Variants in PRR5L observed in about 807,000 individuals in gnomAD.
PRR5L encodes proline-rich protein 5-like.
Under a neutral mutation model 36.4 loss-of-function variants are expected in PRR5L, and 21 were observed. The observed-to-expected ratio is 0.58, with a 90% CI of 0.41 to 0.83. The LOEUF (loss-of-function observed/expected upper bound fraction) is 0.83. Ranked by LOEUF, PRR5L falls within the 40% of genes least tolerant of loss-of-function variation. PRR5L has a pLI of 0.00. For missense variants in PRR5L, 381 were observed against 473.3 expected (o/e 0.80, Z 1.81); for synonymous variants, 188 against 197.0 (o/e 0.95, Z 0.38).
At chr11:36,453,103 G>T (rs1187702156) in intron 8 of PRR5L, among the ~76,000 whole-genome samples, 2 of 152,232 alleles carry the variant, frequency 1.3e-5, no homozygotes, top group African/African-American at 4.8e-5. Flanking sequence ...GTTCATGTAG[G>T]TTTCTCTGTT....
rs756929377 is a variant in PRR5L at position 36,357,157 on chromosome 11, G to A, written c.-125-43840G>A. ...CAAACCAGCCACAACATTCCCTTACGCCAAGGCATAATTCAGAGCAAAGCC... is the reference window on the plus strand; with the variant it reads ...CAAACCAGCCACAACATTCCCTTACACCAAGGCATAATTCAGAGCAAAGCC... On this transcript the variant is annotated intron_variant, in intron 1 of 8. Coordinates refer to ENST00000530639, the MANE Select transcript of PRR5L (RefSeq NM_001160167.2). Among the ~76,000 whole-genome samples, 41 of 152,150 alleles carry A rather than the reference G, an allele frequency of 2.7e-4. 1 individual carries two copies. The highest frequency in any genetic ancestry group is 1.9e-4 in the African/African-American group (8 of 41,426).
At chr11:36,429,598 T>C (rs1858451501) in intron 4 of PRR5L, among the ~76,000 whole-genome samples, 1 of 152,088 alleles carries the variant, frequency 6.6e-6, no homozygotes, top group Admixed American at 6.6e-5. Context: ...TAGGTGCATC[T>C]CAGAAATGTG....
intron 1 of PRR5L, among the ~76,000 whole-genome samples, chr11:36,315,100 A>AAAGGAGT (rs1856542158): frequency 6.6e-6 from 1 of 152,226 alleles, no homozygotes; most frequent in Non-Finnish European, 1.5e-5. Context: ...TATAGGGCAC[A>AAAGGAGT]AAGGAGTGAA....
chr11:36,419,453 G>C (rs955786919), intron 4 of PRR5L, 150 bp downstream of exon 4: 110 of 715,182 alleles, frequency 1.5e-4, no homozygotes, highest in Non-Finnish European at 2.6e-4. Flanking sequence ...GTTGCAGAGG[G>C]GCACCACTCC....
intron 1 of PRR5L, among the ~76,000 whole-genome samples, chr11:36,331,055 C>T (rs1856713715): frequency 6.6e-6 from 1 of 152,220 alleles, no homozygotes; most frequent in African/African-American, 2.4e-5. Flanking sequence ...ATCCTCCTGC[C>T]TTGGCCTCCT....
At chr11:36,348,411 G>T (rs930961711) in intron 1 of PRR5L, among the ~76,000 whole-genome samples, 2 of 152,054 alleles carry the variant, frequency 1.3e-5, no homozygotes, top group Non-Finnish European at 1.5e-5. Context: ...CCTAAAGCCC[G>T]AGTTCCCTGC....
At chr11:36,356,605 G>T (rs563366432) in intron 1 of PRR5L, among the ~76,000 whole-genome samples, 2 of 152,156 alleles carry the variant, frequency 1.3e-5, no homozygotes, top group Admixed American at 1.3e-4. Context: ...GTCACATTTT[G>T]GTAATTCTCA....
intron 7 of PRR5L, among the ~76,000 whole-genome samples, chr11:36,447,767 G>C (rs11033622): frequency 0.26 from 38,889 of 152,012 alleles, 5,213 homozygotes; most frequent in South Asian, 0.32. Context: ...AATTAGAGAG[G>C]AGGAAGAGTT....
intron 1 of PRR5L, among the ~76,000 whole-genome samples, chr11:36,393,364 G>A (rs1458105275): frequency 1.3e-5 from 2 of 152,120 alleles, no homozygotes; most frequent in Non-Finnish European, 2.9e-5. Context: ...TTATATATAA[G>A]ATAGGGGTCT....
intron 1 of PRR5L, among the ~76,000 whole-genome samples, chr11:36,372,455 A>G (rs1400082478): frequency 1.3e-5 from 2 of 152,174 alleles, no homozygotes; most frequent in Admixed American, 1.3e-4. Flanking sequence ...CTTTATCTCA[A>G]TAGTGTTCAA....
At chr11:36,328,620 T>G (rs1190377417) in intron 1 of PRR5L, among the ~76,000 whole-genome samples, 1 of 152,176 alleles carries the variant, frequency 6.6e-6, no homozygotes, top group Non-Finnish European at 1.5e-5. Context: ...ATCTTTTTTC[T>G]TTAGAAATTA....
At chr11:36,332,172 A>G (rs1224852675) in intron 1 of PRR5L, among the ~76,000 whole-genome samples, 3 of 152,212 alleles carry the variant, frequency 2.0e-5, no homozygotes, top group African/African-American at 7.2e-5. Flanking sequence ...AATAACAATA[A>G]TAATTTAATT....
chr11:36,422,124 T>C (rs1858276945), intron 4 of PRR5L, among the ~76,000 whole-genome samples: 1 of 152,110 alleles, frequency 6.6e-6, no homozygotes, highest in Non-Finnish European at 1.5e-5. Flanking sequence ...ATGCAGGTGG[T>C]TCAACAGAGA....
At position 36,401,072 on chromosome 11, in the gene PRR5L, A is replaced by T. The variant is rs775915624; in HGVS notation, c.-50A>T. 1 of 1,595,420 alleles carries T rather than the reference A, an allele frequency of 6.3e-7. No homozygotes were observed. Among genetic ancestry groups the T allele is most frequent in the Admixed American group, 1.7e-5 (1 of 58,330 alleles). On this transcript the variant is annotated 5_prime_UTR_variant, in exon 2 of 9. Transcript: ENST00000530639. ...CCCTGGAGAAGCCCTTTCCGAGGGC[A>T]TTCGGAACCTTCTGGTCCTAGAGGT...
At chr11:36,381,968 C>T (rs1857376696) in intron 1 of PRR5L, among the ~76,000 whole-genome samples, 1 of 152,094 alleles carries the variant, frequency 6.6e-6, no homozygotes, top group Non-Finnish European at 1.5e-5. Flanking sequence ...ACCATCCTGA[C>T]CAGCATGGTG....
chr11:36,442,726 A>G (rs948437331), intron 6 of PRR5L, among the ~76,000 whole-genome samples: 3 of 152,204 alleles, frequency 2.0e-5, no homozygotes, highest in African/African-American at 7.2e-5. Context: ...CAATACAGAC[A>G]AATTATTTGC....
At chr11:36,426,845 G>A (rs987363422) in intron 4 of PRR5L, among the ~76,000 whole-genome samples, 2 of 152,212 alleles carry the variant, frequency 1.3e-5, no homozygotes, top group African/African-American at 4.8e-5. Context: ...CAGAATTCCT[G>A]CTTCCTGGTC....
rs568473629 is a variant in PRR5L, at chr11:36,463,343, A to G, written c.*607A>G. ...ACTGGTGGGTGAGGATCTATCCTCAACCTACATCCAGATCCTATGTGCTGC... is the reference window on the plus strand; with the variant it reads ...ACTGGTGGGTGAGGATCTATCCTCAGCCTACATCCAGATCCTATGTGCTGC... On this transcript the variant is annotated 3_prime_UTR_variant, in exon 9 of 9. Transcript: ENST00000530639. 1.3e-5 allele frequency: 2 copies of G among 152,314 alleles called. No homozygotes were observed. The highest frequency in any genetic ancestry group is 3.9e-4 in the East Asian group (2 of 5,166). 9.4% of individuals were successfully genotyped at this position (152,314 alleles called of 1,614,324 possible). A position where few individuals can be genotyped will look rare whatever the true frequency, so the allele number is the denominator to read the frequency against.
intron 8 of PRR5L, among the ~76,000 whole-genome samples, chr11:36,452,719 G>A (rs1027330184): frequency 3.9e-5 from 6 of 152,236 alleles, no homozygotes; most frequent in Admixed American, 2.0e-4. Flanking sequence ...CTGTCAGGAC[G>A]TCAGCAGGTT....
Sources: allele counts gnomAD v4.1 joint callset (sites outside exome capture counted in the v4.1 genomes callset), GRCh38; gene constraint gnomAD v4.1.1; transcripts MANE v1.5; gene names NCBI Gene and HGNC (gene_info 2026-07-23, HGNC 2026-07-21).